TBRG1: variants seen among roughly 807,000 people sequenced by gnomAD.
The protein encoded by TBRG1 is nuclear interactor of ARF and MDM2.
In TBRG1, 31 loss-of-function variants were observed where a neutral mutation model predicts 44.0. The observed-to-expected ratio is 0.70, with a 90% CI of 0.53 to 0.95. The LOEUF (loss-of-function observed/expected upper bound fraction) is 0.95, where lower values mean the gene tolerates loss of function less well. Among genes scored for constraint, TBRG1 ranks in the 40% least tolerant of loss-of-function variants. TBRG1 has a pLI of 0.00. For synonymous variants in TBRG1, 171 were observed against 188.1 expected (o/e 0.91, Z 0.74); for missense variants, 487 against 496.1 (o/e 0.98, Z 0.18).
rs528156118 is a variant in TBRG1 at position 124,629,281 on chromosome 11, G to T, written c.739-1107G>T. ...GTGAACCCGGGAGGCGGAGCTTGCAGTGAGCCAAGATCACGCCACTGCACT... is the reference window on the plus strand; with the variant it reads ...GTGAACCCGGGAGGCGGAGCTTGCATTGAGCCAAGATCACGCCACTGCACT... On this transcript the variant is annotated intron_variant, in intron 5 of 8. Coordinates refer to ENST00000441174, the MANE Select transcript of TBRG1 (RefSeq NM_032811.3). 2.6e-5 allele frequency among the ~76,000 whole-genome samples: 4 copies of T among 152,178 alleles called. No homozygotes were observed. The East Asian group carries it at 7.7e-4, about 29-fold the overall frequency.
Position 124,626,655 on chromosome 11 carries a change from G to A in TBRG1, c.591+46G>A, listed in dbSNP as rs757328289. 1.1e-5 allele frequency: 17 copies of A among 1,548,192 alleles called. No homozygotes were observed. In the South Asian group the frequency reaches 1.4e-4, roughly 13 times the overall value. On this transcript the variant is annotated intron_variant, in intron 4 of 8. Coordinates refer to ENST00000441174, the MANE Select transcript of TBRG1 (RefSeq NM_032811.3). Reference sequence around the variant, plus strand: ...ATAGAGAGGAGAATCAGGGAAATACGGGAATGGGGTTGAGCCTTCCCTCCC... The same window carrying A: ...ATAGAGAGGAGAATCAGGGAAATACAGGAATGGGGTTGAGCCTTCCCTCCC...
Position 124,630,439 on chromosome 11 carries a change from G to A in TBRG1, c.790G>A (p.Ala264Thr). 6 of 1,613,858 alleles carry A rather than the reference G, an allele frequency of 3.7e-6. No homozygotes were observed. The highest frequency in any genetic ancestry group is 5.1e-6 in the Non-Finnish European group (6 of 1,179,802). Residue 264 changes from alanine (A) to threonine (T), a missense_variant, in exon 6 of 9, where the codon GCA becomes ACA. Ala to Thr is a moderately conservative substitution (Grantham distance 58, BLOSUM62 0). Coordinates refer to ENST00000441174, the MANE Select transcript of TBRG1 (RefSeq NM_032811.3). ...DPQNAIVSSS[A>T]DACHAELLRT... is the part of the protein sequence containing the mutation. ...CCAGAATGCCATTGTCAGCTCTTCT[G>A]CAGATGCTTGTCATGCAGAACTGCT...
Position 124,632,765 on chromosome 11 carries a change from G to A in TBRG1, c.*527G>A, listed in dbSNP as rs1164271614. ...TCCCTTTTATAAGATCACTAAGCCG[G>A]TTCATGAGAGGTCTGCTCTCATGAC... On this transcript the variant is annotated 3_prime_UTR_variant, in exon 9 of 9. Coordinates refer to ENST00000441174, the MANE Select transcript of TBRG1 (RefSeq NM_032811.3). 1 of 153,250 alleles carries A rather than the reference G, an allele frequency of 6.5e-6. No individual in the cohort carries two copies. Among genetic ancestry groups the A allele is most frequent in the Non-Finnish European group, 1.5e-5 (1 of 68,960 alleles). 9.5% of individuals were successfully genotyped at this position (153,250 alleles called of 1,614,324 possible). A position where few individuals can be genotyped will look rare whatever the true frequency, so the allele number is the denominator to read the frequency against.
rs376646498 is a variant in TBRG1 at position 124,632,273 on chromosome 11, G to A, written c.*35G>A. 6.2e-5 allele frequency: 99 copies of A among 1,597,924 alleles called. No individual in the cohort carries two copies. Among genetic ancestry groups the A allele is most frequent in the Middle Eastern group, 1.7e-4 (1 of 6,010 alleles). ...GATCAGATGCCACATCGTTTTTGTC[G>A]TGATTAATTTAACTTAAACTAAAAT... is the stretch of plus-strand genomic sequence containing the variant. On this transcript the variant is annotated 3_prime_UTR_variant, in exon 9 of 9. Coordinates refer to ENST00000441174, the MANE Select transcript of TBRG1 (RefSeq NM_032811.3).
chr11:124,628,110 T>C (rs1443036586), intron 5 of TBRG1, among the ~76,000 whole-genome samples: 172 of 53,000 alleles, frequency 3.2e-3, no homozygotes, highest in African/African-American at 0.016. Flanking sequence ...TATATATATA[T>C]ATATATACAC....
In TBRG1 at chr11:124,632,190, G is replaced by A. The variant is rs1217036929; in HGVS notation, c.1188G>A (p.Gln396=). 18 of 1,613,658 alleles carry A rather than the reference G, an allele frequency of 1.1e-5. No homozygotes were observed. The highest frequency in any genetic ancestry group is 1.4e-5 in the Non-Finnish European group (16 of 1,179,750). ...THEPLVDTHL[Q]HLKSPSQGSP... is the part of the protein sequence containing the mutation. ...AACCCTTGGTAGATACTCACCTGCAGCACTTGAAGTCTCCATCACAGGGTA... is the reference window on the plus strand; with the variant it reads ...AACCCTTGGTAGATACTCACCTGCAACACTTGAAGTCTCCATCACAGGGTA... Residue 396 remains glutamine, a synonymous_variant, in exon 9 of 9, where the codon CAG becomes CAA. Transcript: ENST00000441174.
rs1165815844 is a variant in TBRG1, at chr11:124,623,075, G to A, written c.-9G>A. On this transcript the variant is annotated 5_prime_UTR_variant, in exon 1 of 9. Transcript: ENST00000441174. ...CAGCGTCCTGGGGCCCCCGTAGCGG[G>A]GCTGGACCATGAGCCTGCTGGACGG... The A allele has an allele frequency of 1.9e-6, 3 of 1,544,952 alleles. No individual in the cohort carries two copies. The highest frequency in any genetic ancestry group is 1.7e-6 in the Non-Finnish European group (2 of 1,144,212).
At position 124,622,955 on chromosome 11, in the gene TBRG1, C is replaced by A; in HGVS notation, c.-129C>A. On this transcript the variant is annotated 5_prime_UTR_variant, in exon 1 of 9. Transcript: ENST00000441174. ...CCCTGCGGTCAGCCCTGGGAACGTC[C>A]CGGAGAGCTAGATTCCTAGAGGCCC... The A allele has an allele frequency of 9.2e-7, 1 of 1,086,962 alleles. No homozygotes were observed. 67.3% of individuals were successfully genotyped at this position (1,086,962 alleles called of 1,614,324 possible).
rs771266280 is a variant in TBRG1, at chr11:124,632,214, T to C, written c.1212T>C (p.Gly404=). The C allele has an allele frequency of 3.1e-6, 5 of 1,613,742 alleles. No homozygotes were observed. The highest frequency in any genetic ancestry group is 4.2e-6 in the Non-Finnish European group (5 of 1,179,820). Reference sequence around the variant, plus strand: ...AGCACTTGAAGTCTCCATCACAGGGTAGCCCAATTCAGTCTTCAGATTGAA... The same window carrying C: ...AGCACTTGAAGTCTCCATCACAGGGCAGCCCAATTCAGTCTTCAGATTGAA... ...HLQHLKSPSQ[G]SPIQSSD The change falls in exon 9 of 9, where the codon GGT becomes GGC. Residue 404 remains glycine, a synonymous_variant. Transcript: ENST00000441174.
chr11:124,623,233 T>C lies in TBRG1; in HGVS notation c.150T>C (p.Phe50=), dbSNP rs1396350028. The C allele has an allele frequency of 1.9e-6, 3 of 1,551,380 alleles. No individual in the cohort carries two copies. The highest frequency in any genetic ancestry group is 2.6e-6 in the Non-Finnish European group (3 of 1,147,012). ...GCAAAGCGGCCAAGGCCACGGTGTTTGTGAGTCTGACCCACGTTCAGCCGG... is the reference window on the plus strand; with the variant it reads ...GCAAAGCGGCCAAGGCCACGGTGTTCGTGAGTCTGACCCACGTTCAGCCGG... ...RLRKAAKATV[F]ENAAICDEIA... is the part of the protein sequence containing the mutation. The change falls in exon 1 of 9, where the codon TTT becomes TTC. Residue 50 remains phenylalanine (F), a splice_region_variant and synonymous_variant. Coordinates refer to ENST00000441174, the MANE Select transcript of TBRG1 (RefSeq NM_032811.3).
chr11:124,625,629 T>C, intron 2 of TBRG1, 42 bp from the exon 3 acceptor site: 1 of 1,525,786 alleles, frequency 6.6e-7, no homozygotes, highest in Non-Finnish European at 8.8e-7. Context: ...ATTGAGACAA[T>C]ACGGAAGTTC....
rs1161168045 is a variant in TBRG1, at chr11:124,623,347, G to T, written c.150+114G>T. On this transcript the variant is annotated intron_variant, in intron 1 of 8. Coordinates refer to ENST00000441174, the MANE Select transcript of TBRG1 (RefSeq NM_032811.3). ...GTATTAATACAGTGTTGGCTTTTCC[G>T]TATACGTTACTACTTGTTAGCCTTG... 1.6e-5 allele frequency: 19 copies of T among 1,203,046 alleles called. No homozygotes were observed. The Admixed American group carries it at 3.8e-4, about 24-fold the overall frequency. The allele number at this position is 1,203,046 out of a possible 1,614,324, so 74.5% of individuals were successfully genotyped here.
At chr11:124,627,128 C>T in intron 5 of TBRG1, 78 bp downstream of exon 5, 1 of 1,039,180 alleles carries the variant, frequency 9.6e-7, no homozygotes, top group South Asian at 1.4e-5. Context: ...GTTCTGATAC[C>T]TTACAAGGTA....
At chr11:124,631,579 T>C in intron 8 of TBRG1, 162 bp downstream of exon 8, 2 of 742,616 alleles carry the variant, frequency 2.7e-6, no homozygotes, top group Non-Finnish European at 4.5e-6. Context: ...ACCTGCGGCC[T>C]GCATAGCTTC....
At chr11:124,625,608 T>C (rs1313872015) in intron 2 of TBRG1, 63 bp from the exon 3 acceptor site, 2 of 1,442,298 alleles carry the variant, frequency 1.4e-6, no homozygotes, top group Non-Finnish European at 1.9e-6. Context: ...AGTACTTGAG[T>C]AAAATACTGA....
intron 5 of TBRG1, among the ~76,000 whole-genome samples, chr11:124,627,731 C>G (rs751375067): frequency 6.6e-6 from 1 of 151,974 alleles, no homozygotes. Flanking sequence ...TATTGCATCA[C>G]GCCTATCAGA....
Position 124,623,019 on chromosome 11 carries a change from G to T in TBRG1, c.-65G>T. The T allele has an allele frequency of 6.8e-7, 1 of 1,460,338 alleles. No individual in the cohort carries two copies. Among genetic ancestry groups the T allele is most frequent in the Non-Finnish European group, 9.0e-7 (1 of 1,105,426 alleles). The allele number at this position is 1,460,338 out of a possible 1,614,324, so 90.5% of individuals were successfully genotyped here. On this transcript the variant is annotated 5_prime_UTR_variant, in exon 1 of 9. Transcript: ENST00000441174. ...CGGAACAGACAAAGCCAGCGCTCCCGCCCGCTCCCCGACTTAGGATCCGAT... is the reference window on the plus strand; with the variant it reads ...CGGAACAGACAAAGCCAGCGCTCCCTCCCGCTCCCCGACTTAGGATCCGAT...
chr11:124,630,750 A>T lies in TBRG1; in HGVS notation c.842A>T (p.Lys281Ile), dbSNP rs762205839. 1 of 1,602,886 alleles carries T rather than the reference A, an allele frequency of 6.2e-7. No homozygotes were observed. Among genetic ancestry groups the T allele is most frequent in the Non-Finnish European group, 8.5e-7 (1 of 1,174,052 alleles). Residue 281 changes from lysine to isoleucine, a missense_variant, in exon 7 of 9, where the codon AAA (lysine) becomes ATA (isoleucine). Coordinates refer to ENST00000441174, the MANE Select transcript of TBRG1 (RefSeq NM_032811.3). ...LLRTISTTMG[K>I]LMPNLLPAGA... ...ATTATCCCTCTCCTGTTTAGGGGGA[A>T]ACTAATGCCTAACCTGCTTCCAGCT... is the stretch of plus-strand genomic sequence containing the variant.
chr11:124,624,898 T>G, intron 1 of TBRG1, 33 bp from the exon 2 acceptor site: 1 of 1,372,520 alleles, frequency 7.3e-7, no homozygotes, highest in Non-Finnish European at 1.0e-6. Flanking sequence ...TTTTATTCAT[T>G]TTATGTTATT....
Sources: gnomAD v4.1 joint callset for allele counts (sites outside exome capture counted in the v4.1 genomes callset) on GRCh38, gnomAD v4.1.1 for gene constraint, MANE v1.5 for transcripts, NCBI Gene and HGNC (gene_info 2026-07-23, HGNC 2026-07-21) for gene names.